Variants in MYLK4 observed in about 807,000 individuals in gnomAD.
The protein encoded by MYLK4 is myosin light chain kinase family member 4.
A neutral mutation model predicts 48.1 loss-of-function variants in MYLK4; 46 were observed. The observed-to-expected ratio is 0.96, with a 90% CI of 0.75 to 1.22. The LOEUF (loss-of-function observed/expected upper bound fraction) is 1.22. Among genes scored for constraint, MYLK4 ranks in the 50% most tolerant of loss-of-function variants. The pLI is 0.00. For synonymous variants in MYLK4, 170 were observed against 180.8 expected, an observed-to-expected ratio of 0.94 and a Z score of 0.48; for missense variants, 451 against 486.1, an observed-to-expected ratio of 0.93 and a Z score of 0.68.
chr6:2,685,803 GCTCACACCT>G lies in MYLK4; in HGVS notation c.342-236_342-228del, dbSNP rs1761517618. ...AAGCAGGTCTCGGCCGGGCACGGTG[GCTCACACCT>G]GTAATCCCAGCACTTTGGGAGGCCG... is the stretch of plus-strand genomic sequence containing the variant. On this transcript the variant is annotated intron_variant, in intron 4 of 12. Coordinates refer to ENST00000274643, the MANE Select transcript of MYLK4 (RefSeq NM_001012418.5). The surrounding 1 kb of genome is among the most constrained non-coding windows in gnomAD (Gnocchi z 4.5). Among the ~76,000 whole-genome samples, 1 of 152,128 alleles carries G rather than the reference GCTCACACCT, an allele frequency of 6.6e-6. No individual in the cohort carries two copies. The highest frequency in any genetic ancestry group is 1.9e-4 in the East Asian group (1 of 5,182).
chr6:2,689,356 T>A (rs1394087052), intron 3 of MYLK4, among the ~76,000 whole-genome samples: 6 of 152,288 alleles, frequency 3.9e-5, no homozygotes, highest in Admixed American at 3.3e-4. Flanking sequence ...TCCATTATTT[T>A]AATTATATCA....
At chr6:2,707,459 A>T (rs1244002195) in intron 2 of MYLK4, among the ~76,000 whole-genome samples, 1 of 152,206 alleles carries the variant, frequency 6.6e-6, no homozygotes, top group African/African-American at 2.4e-5. Flanking sequence ...CTACAGCAAC[A>T]TCAGTCAAAT....
chr6:2,700,533 C>T (rs920319625), intron 2 of MYLK4, among the ~76,000 whole-genome samples: 5 of 152,150 alleles, frequency 3.3e-5, no homozygotes, highest in Admixed American at 6.6e-5. Context: ...TTCCTCCCCC[C>T]GATAAGCAAG....
chr6:2,689,462 C>T (rs1761690540), intron 3 of MYLK4, among the ~76,000 whole-genome samples: 1 of 152,210 alleles, frequency 6.6e-6, no homozygotes, highest in Admixed American at 6.5e-5. Flanking sequence ...ATTTAAGACA[C>T]ATTTAAGGCA....
chr6:2,715,673 C>T (rs551325593), intron 2 of MYLK4, among the ~76,000 whole-genome samples: 13 of 152,272 alleles, frequency 8.5e-5, no homozygotes, highest in South Asian at 6.2e-4. Flanking sequence ...TCCTGCTTCA[C>T]GTGTCTGGCT....
rs981401338 is a variant in MYLK4, at chr6:2,665,884, G to A, written c.*2041C>T. ...AATATCATCAGCTAAAGATAGCATAGTAATATAACACTCCAGTCACAGGGT... is the reference window on the plus strand; with the variant it reads ...AATATCATCAGCTAAAGATAGCATAATAATATAACACTCCAGTCACAGGGT... On this transcript the variant is annotated 3_prime_UTR_variant, in exon 13 of 13. Coordinates refer to ENST00000274643, the MANE Select transcript of MYLK4 (RefSeq NM_001012418.5). 1 of 152,024 alleles carries A rather than the reference G, an allele frequency of 6.6e-6. No individual in the cohort carries two copies. Among genetic ancestry groups the A allele is most frequent in the African/African-American group, 2.4e-5 (1 of 41,364 alleles). 9.4% of individuals were successfully genotyped at this position (152,024 alleles called of 1,614,324 possible). A position where few individuals can be genotyped will look rare whatever the true frequency, so the allele number is the denominator to read the frequency against.
intron 2 of MYLK4, among the ~76,000 whole-genome samples, chr6:2,697,146 G>A (rs1441167725): frequency 6.6e-6 from 1 of 152,220 alleles, no homozygotes; most frequent in Admixed American, 6.5e-5. Context: ...ATCGCGGAGT[G>A]CTTTAAAATA....
intron 7 of MYLK4, among the ~76,000 whole-genome samples, chr6:2,681,559 C>A (rs767913158): frequency 6.6e-6 from 1 of 152,132 alleles, no homozygotes; most frequent in Non-Finnish European, 1.5e-5. Flanking sequence ...ATAAGTTAGC[C>A]TTTTTATGAC....
At chr6:2,768,870 T>C in the MYLK4 span, 2,003 of 1,610,670 alleles carry the variant, frequency 1.2e-3, 1 homozygote, top group Non-Finnish European at 1.6e-3. Context: ...ATCGGTTCAA[T>C]AAATCTCAGC....
the MYLK4 span, among the ~76,000 whole-genome samples, chr6:2,761,444 CG>C: frequency 6.6e-6 from 1 of 152,108 alleles, no homozygotes; most frequent in African/African-American, 2.4e-5. Context: ...TTTTGAAGTA[CG>C]TTTTTTTCAT....
Position 2,666,269 on chromosome 6 carries a change from C to G in MYLK4, c.*1656G>C, listed in dbSNP as rs992591850. 1.3e-5 allele frequency: 2 copies of G among 152,138 alleles called. No homozygotes were observed. The highest frequency in any genetic ancestry group is 4.8e-5 in the African/African-American group (2 of 41,434). The allele number at this position is 152,138 out of a possible 1,614,324, so 9.4% of individuals were successfully genotyped here. ...GCTGATGCAAAGTGAAACTGCCATC[C>G]CTCATGAGGCCACCAAGTAATTCTT... On this transcript the variant is annotated 3_prime_UTR_variant, in exon 13 of 13. Transcript: ENST00000274643.
chr6:2,762,654 G>A, the MYLK4 span, among the ~76,000 whole-genome samples: 4 of 152,232 alleles, frequency 2.6e-5, no homozygotes, highest in East Asian at 1.9e-4. Context: ...TGTGCTCGCA[G>A]TCAATGAGTT....
intron 6 of MYLK4, among the ~76,000 whole-genome samples, chr6:2,683,387 C>CTTTTTTTTTTTTT (rs138132269): frequency 4.6e-5 from 4 of 86,198 alleles, no homozygotes; most frequent in Admixed American, 1.5e-4. Flanking sequence ...AACTCCCCAC[C>CTTTTTTTTTTTTT]TTTTTGTGTG....
chr6:2,736,443 G>C (rs969142783), intron 2 of MYLK4, among the ~76,000 whole-genome samples: 1 of 152,116 alleles, frequency 6.6e-6, no homozygotes, highest in African/African-American at 2.4e-5. Context: ...AAACCTCTCA[G>C]GGCCTTTAAC....
At chr6:2,761,497 C>T in the MYLK4 span, among the ~76,000 whole-genome samples, 1 of 152,184 alleles carries the variant, frequency 6.6e-6, no homozygotes, top group African/African-American at 2.4e-5. Flanking sequence ...AAACCTTGAA[C>T]TTCAGACAGA....
the MYLK4 span, among the ~76,000 whole-genome samples, chr6:2,761,194 G>A: frequency 2.0e-5 from 3 of 152,214 alleles, no homozygotes; most frequent in East Asian, 5.8e-4. Context: ...TCCCCATTCT[G>A]ACTGTGGGGA....
At chr6:2,714,423 C>T (rs1289345806) in intron 2 of MYLK4, among the ~76,000 whole-genome samples, 1 of 152,228 alleles carries the variant, frequency 6.6e-6, no homozygotes, top group Non-Finnish European at 1.5e-5. Context: ...ATACCCCACA[C>T]ATTGCACTCT....
chr6:2,721,961 A>C (rs141030837), intron 2 of MYLK4, among the ~76,000 whole-genome samples: 167 of 152,372 alleles, frequency 1.1e-3, no homozygotes, highest in African/African-American at 3.7e-3. Flanking sequence ...ACAATCCTCC[A>C]TCATTCTCAG....
chr6:2,763,026 C>A, the MYLK4 span, among the ~76,000 whole-genome samples: 1 of 152,192 alleles, frequency 6.6e-6, no homozygotes, highest in African/African-American at 2.4e-5. Flanking sequence ...TCTCCATCGC[C>A]AGCTCTAGCA....
Sources: gnomAD v4.1 joint callset for allele counts (sites outside exome capture counted in the v4.1 genomes callset) on GRCh38, gnomAD v4.1.1 for gene constraint, Gnocchi (gnomAD v3.1) non-coding constraint, MANE v1.5 for transcripts, NCBI Gene and HGNC (gene_info 2026-07-23, HGNC 2026-07-21) for gene names.